TRPS1: variants seen among roughly 807,000 people sequenced by gnomAD.
TRPS1 encodes transcriptional repressor GATA binding 1, also known as zinc finger transcription factor Trps1.
Under a neutral mutation model 101.2 loss-of-function variants are expected in TRPS1, and 6 were observed. The ratio of observed to expected loss-of-function variants is 0.06; its 90% confidence interval spans 0.03 to 0.12. The LOEUF is 0.12. TRPS1 is among the 10% of genes least tolerant of loss of function. The pLI, the probability that TRPS1 is intolerant of heterozygous loss-of-function variation, is 1.00. For synonymous variants in TRPS1, 578 were observed against 589.8 expected (o/e 0.98, Z 0.29); for missense variants, 1,363 against 1,567.0 (o/e 0.87, Z 2.20).
chr8:115,587,751 G>T (rs1338300207), intron 4 of TRPS1, 147 bp from the exon 5 acceptor site: 2 of 1,381,188 alleles, frequency 1.4e-6, no homozygotes, highest in Admixed American at 1.9e-5. Flanking sequence ...CCCAAAACTG[G>T]AATGTAATTA....
chr8:115,538,385 G>A (rs1052456403), intron 5 of TRPS1, among the ~76,000 whole-genome samples: 1 of 152,142 alleles, frequency 6.6e-6, no homozygotes, highest in Non-Finnish European at 1.5e-5. Context: ...AACAAGATGT[G>A]AAAATGGCAC....
chr8:115,640,132 C>T (rs1319302284), intron 1 of TRPS1, among the ~76,000 whole-genome samples: 1 of 152,116 alleles, frequency 6.6e-6, no homozygotes, highest in Non-Finnish European at 1.5e-5. Flanking sequence ...TAAGCATCAA[C>T]TTTATACTTG....
chr8:115,605,062 G>A lies in TRPS1; in HGVS notation c.967-60C>T, dbSNP rs568896501. ...GTGTCATTAATTCAATGGGCCCTCT[G>A]CAGGGGAGGGGGAGGGTACTGCCAA... On this transcript the variant is annotated intron_variant, in intron 3 of 6. Transcript: ENST00000395715. 2.0e-5 allele frequency: 31 copies of A among 1,516,940 alleles called. No homozygotes were observed. The African/African-American group carries it at 3.7e-4, about 18-fold the overall frequency. The allele number at this position is 1,516,940 out of a possible 1,614,324, so 94.0% of individuals were successfully genotyped here.
At chr8:115,622,410 A>C (rs1381298682) in intron 2 of TRPS1, among the ~76,000 whole-genome samples, 1 of 152,182 alleles carries the variant, frequency 6.6e-6, no homozygotes, top group Non-Finnish European at 1.5e-5. Flanking sequence ...AACTGAAAAA[A>C]TTAGTTATCA....
chr8:115,596,598 TAAAG>T (rs1475285649), intron 4 of TRPS1, among the ~76,000 whole-genome samples: 4 of 151,758 alleles, frequency 2.6e-5, no homozygotes, highest in East Asian at 1.9e-4. Context: ...TTACATATGA[TAAAG>T]AAAGTACTAT....
At chr8:115,571,674 A>G (rs1445248528) in intron 5 of TRPS1, among the ~76,000 whole-genome samples, 2 of 152,184 alleles carry the variant, frequency 1.3e-5, no homozygotes, top group Non-Finnish European at 2.9e-5. Context: ...CAATTATAAA[A>G]TAAGACATTA....
Position 115,414,111 on chromosome 8 carries a change from G to A in TRPS1, c.3797C>T (p.Thr1266Met), listed in dbSNP as rs376875568. ...FQCSICQHLC[T>M]DKYDFTTHIQ... The stretch of plus-strand genomic sequence containing the variant: ...ATGTGTTGTGAAGTCATATTTGTCC[G>A]TGCAAAGATGCTGGCATATGCTGCA... Residue 1266 changes from threonine to methionine, a missense_variant, in exon 7 of 7, where the codon ACG becomes ATG. Physicochemically the swap from Thr to Met is moderately conservative, Grantham distance 81 (BLOSUM62 -1). Coordinates refer to ENST00000395715, the MANE Select transcript of TRPS1 (RefSeq NM_014112.5). The surrounding 1 kb of genome is among the most constrained non-coding windows in gnomAD (Gnocchi z 4.8). The A allele has an allele frequency of 1.5e-4, 243 of 1,613,644 alleles. No individual in the cohort carries two copies. The highest frequency in any genetic ancestry group is 1.9e-4 in the Non-Finnish European group (228 of 1,179,886).
intron 5 of TRPS1, among the ~76,000 whole-genome samples, chr8:115,585,100 G>A (rs1817534829): frequency 1.3e-5 from 2 of 152,056 alleles, no homozygotes; most frequent in South Asian, 4.1e-4. Context: ...TTGGAATTTG[G>A]CTATTATTGT....
chr8:115,539,864 A>G (rs1234850782), intron 5 of TRPS1, among the ~76,000 whole-genome samples: 1 of 152,186 alleles, frequency 6.6e-6, no homozygotes, highest in East Asian at 1.9e-4. Context: ...CCTCCGACTC[A>G]GGAATTATCC....
At chr8:115,659,559 T>C (rs1347185163) in intron 1 of TRPS1, among the ~76,000 whole-genome samples, 1 of 151,880 alleles carries the variant, frequency 6.6e-6, no homozygotes, top group Non-Finnish European at 1.5e-5. Flanking sequence ...TGGGCCTTGA[T>C]TAAAATTAAT....
At chr8:115,639,880 C>T (rs1278731560) in intron 1 of TRPS1, among the ~76,000 whole-genome samples, 2 of 151,986 alleles carry the variant, frequency 1.3e-5, no homozygotes, top group Admixed American at 6.6e-5. Context: ...GAATGTCAGT[C>T]GCCTGCCTAT....
chr8:115,562,041 T>G (rs78712797), intron 5 of TRPS1, among the ~76,000 whole-genome samples: 1 of 152,140 alleles, frequency 6.6e-6, no homozygotes, highest in East Asian at 1.9e-4. Context: ...TAATAAGCAG[T>G]TATAATACAT....
At position 115,619,575 on chromosome 8, in the gene TRPS1, C is replaced by G. The variant is rs761918449; in HGVS notation, c.523G>C (p.Glu175Gln). Residue 175 changes from glutamate (E) to glutamine (Q), a missense_variant, in exon 3 of 7, where the codon GAG becomes CAG. Coordinates refer to ENST00000395715, the MANE Select transcript of TRPS1 (RefSeq NM_014112.5). Reference protein sequence around the residue: ...EDQKMSPKATEETGQAQSGQA... With the variant: ...EDQKMSPKATQETGQAQSGQA... ...CCACTCTGTGCTTGCCCTGTTTCCT[C>G]TGTAGCCTTTGGTGACATCTTCTGA... 1 of 1,614,196 alleles carries G rather than the reference C, an allele frequency of 6.2e-7. No homozygotes were observed. Among genetic ancestry groups the G allele is most frequent in the African/African-American group, 1.3e-5 (1 of 75,048 alleles).
chr8:115,633,028 G>C (rs967454800), intron 1 of TRPS1, among the ~76,000 whole-genome samples: 1 of 152,062 alleles, frequency 6.6e-6, no homozygotes, highest in Non-Finnish European at 1.5e-5. Context: ...GCTCTGCAGA[G>C]AGCATGGAGT....
At chr8:115,422,967 T>C (rs937786229) in intron 5 of TRPS1, among the ~76,000 whole-genome samples, 5 of 152,076 alleles carry the variant, frequency 3.3e-5, no homozygotes, top group Admixed American at 6.6e-5. Context: ...CTGAGGGGCA[T>C]ATATAGCACA....
At chr8:115,584,498 T>C (rs190222232) in intron 5 of TRPS1, among the ~76,000 whole-genome samples, 109 of 152,114 alleles carry the variant, frequency 7.2e-4, no homozygotes, top group Non-Finnish European at 8.2e-4. Flanking sequence ...ACATGTAAAT[T>C]ATATCTGTAT....
At chr8:115,549,686 A>G (rs902166833) in intron 5 of TRPS1, among the ~76,000 whole-genome samples, 1 of 151,890 alleles carries the variant, frequency 6.6e-6, no homozygotes, top group Non-Finnish European at 1.5e-5. Flanking sequence ...AAAAAAAAAA[A>G]AACGCTAAAC....
chr8:115,420,480 A>G (rs1230475974), intron 5 of TRPS1, among the ~76,000 whole-genome samples: 2 of 152,220 alleles, frequency 1.3e-5, no homozygotes, highest in African/African-American at 4.8e-5. Flanking sequence ...GTAAATGTCC[A>G]TTTGGAAATT....
chr8:115,573,905 T>C (rs1817261888), intron 5 of TRPS1, among the ~76,000 whole-genome samples: 1 of 152,160 alleles, frequency 6.6e-6, no homozygotes, highest in Non-Finnish European at 1.5e-5. Flanking sequence ...AGTCCAGTCT[T>C]CCTTTCCGAA....
Sources: gnomAD v4.1 joint callset for allele counts (sites outside exome capture counted in the v4.1 genomes callset) on GRCh38, gnomAD v4.1.1 for gene constraint, Gnocchi (gnomAD v3.1) non-coding constraint, MANE v1.5 for transcripts, NCBI Gene and HGNC (gene_info 2026-07-23, HGNC 2026-07-21) for gene names.